Variants in MAPK4 observed in about 807,000 individuals in gnomAD.
The protein encoded by MAPK4 is Erk3-related.
A neutral mutation model predicts 47.7 loss-of-function variants in MAPK4; 22 were observed. The ratio of observed to expected loss-of-function variants is 0.46; its 90% CI spans 0.33 to 0.66. MAPK4 has a LOEUF of 0.66. Ranked by LOEUF, MAPK4 falls within the 30% of genes least tolerant of loss-of-function variation. The pLI is 0.02. For missense variants in MAPK4, 736 were observed against 831.7 expected, an observed-to-expected ratio of 0.88 and a Z score of 1.42; for synonymous variants, 390 against 365.7, an observed-to-expected ratio of 1.07 and a Z score of -0.76.
Position 50,710,779 on chromosome 18 carries a change from CTAAATAAATAAATAAATAAATAAA to C in MAPK4, c.547-4274_547-4251del, listed in dbSNP as rs56152549. 4.2e-3 allele frequency among the ~76,000 whole-genome samples: 610 copies of C among 144,982 alleles called. 3 individuals carry two copies. Among genetic ancestry groups the C allele is most frequent in the Non-Finnish European group, 7.1e-3 (472 of 66,222 alleles). On this transcript the variant is annotated intron_variant, in intron 2 of 5. Transcript: ENST00000400384. ...TGGGTGACAGAGTGAGACTCCGTCT[CTAAATAAATAAATAAATAAATAAA>C]TAAATAAATAAATAAATAAATAAAT...
chr18:50,665,069 G>A (rs1211892534), intron 2 of MAPK4, among the ~76,000 whole-genome samples: 3 of 152,190 alleles, frequency 2.0e-5, no homozygotes, highest in Admixed American at 6.6e-5. Flanking sequence ...GTTCTCCTGG[G>A]TCCCGTGATG....
chr18:50,698,750 C>G (rs1054435080), intron 2 of MAPK4, among the ~76,000 whole-genome samples: 8 of 152,164 alleles, frequency 5.3e-5, no homozygotes, highest in African/African-American at 1.9e-4. Context: ...AGTAATATAG[C>G]CAAGCACGGT....
intron 1 of MAPK4, among the ~76,000 whole-genome samples, chr18:50,651,178 C>T (rs1251770366): frequency 6.6e-6 from 1 of 152,214 alleles, no homozygotes; most frequent in African/African-American, 2.4e-5. Flanking sequence ...GGCTCTTGTT[C>T]TTTGTCTCAT....
chr18:50,706,235 G>A (rs1910045493), intron 2 of MAPK4: 1 of 152,124 alleles, frequency 6.6e-6, no homozygotes. Context: ...CTGAGGGGAG[G>A]TAGAAATAGA....
intron 2 of MAPK4, among the ~76,000 whole-genome samples, chr18:50,676,900 A>T (rs766611913): frequency 1.2e-4 from 18 of 152,194 alleles, no homozygotes; most frequent in Non-Finnish European, 2.4e-4. Context: ...ACATTTTTTT[A>T]AAATAGACTT....
chr18:50,595,373 A>C (rs1316113130), intron 1 of MAPK4, among the ~76,000 whole-genome samples: 1 of 152,248 alleles, frequency 6.6e-6, no homozygotes. Flanking sequence ...AATACAAAGG[A>C]TTAAAAACCC....
chr18:50,728,702 C>G (rs1911337782), intron 5 of MAPK4, among the ~76,000 whole-genome samples: 1 of 152,240 alleles, frequency 6.6e-6, no homozygotes, highest in Non-Finnish European at 1.5e-5. Context: ...ATCAGAGCAG[C>G]TGGGAGCTTG....
chr18:50,720,716 C>T (rs1910893639), intron 3 of MAPK4, among the ~76,000 whole-genome samples: 1 of 152,178 alleles, frequency 6.6e-6, no homozygotes, highest in Non-Finnish European at 1.5e-5. Context: ...TCATGGTCCC[C>T]TGGTGGGTGG....
At chr18:50,639,053 G>A (rs1175926527) in intron 1 of MAPK4, among the ~76,000 whole-genome samples, 1 of 152,174 alleles carries the variant, frequency 6.6e-6, no homozygotes, top group African/African-American at 2.4e-5. Context: ...CAGGCAGATG[G>A]GGGAGAGCAG....
intron 2 of MAPK4, among the ~76,000 whole-genome samples, chr18:50,696,857 T>G (rs960870330): frequency 6.6e-6 from 1 of 152,078 alleles, no homozygotes; most frequent in African/African-American, 2.4e-5. Context: ...CTTCCTGGTA[T>G]GGGGTCCCTT....
chr18:50,668,062 AACACCTATTT>A (rs1907704702), intron 2 of MAPK4, among the ~76,000 whole-genome samples: 1 of 152,240 alleles, frequency 6.6e-6, no homozygotes, highest in Non-Finnish European at 1.5e-5. Flanking sequence ...AACTCAGGGA[AACACCTATTT>A]ACATTTACTG....
At chr18:50,623,789 G>A (rs6508016) in intron 1 of MAPK4, among the ~76,000 whole-genome samples, 7,259 of 152,268 alleles carry the variant, frequency 0.048, 544 homozygotes, top group African/African-American at 0.16. Flanking sequence ...ACCTCTTACC[G>A]TTTTAACATA....
At chr18:50,637,894 G>T (rs905346186) in intron 1 of MAPK4, among the ~76,000 whole-genome samples, 1 of 152,174 alleles carries the variant, frequency 6.6e-6, no homozygotes, top group Non-Finnish European at 1.5e-5. Context: ...CTACCCCGAT[G>T]ACTTCATTTT....
chr18:50,628,054 A>G (rs777681350), intron 1 of MAPK4, among the ~76,000 whole-genome samples: 3 of 152,166 alleles, frequency 2.0e-5, no homozygotes, highest in Non-Finnish European at 4.4e-5. Flanking sequence ...GACTCCTGAC[A>G]CTGGCTCCGA....
At chr18:50,659,787 T>A (rs1162801944) in intron 1 of MAPK4, among the ~76,000 whole-genome samples, 1 of 152,216 alleles carries the variant, frequency 6.6e-6, no homozygotes, top group Admixed American at 6.5e-5. Flanking sequence ...CTGGGTGTCA[T>A]TCAAGCACGA....
chr18:50,626,235 G>A (rs2042776767), intron 1 of MAPK4, among the ~76,000 whole-genome samples: 1 of 152,164 alleles, frequency 6.6e-6, no homozygotes, highest in African/African-American at 2.4e-5. Flanking sequence ...CCAGAATAAT[G>A]TTTGACCAAA....
At chr18:50,693,884 C>T (rs572008899) in intron 2 of MAPK4, among the ~76,000 whole-genome samples, 4 of 152,284 alleles carry the variant, frequency 2.6e-5, no homozygotes, top group South Asian at 2.1e-4. Flanking sequence ...ACTTGAGGCT[C>T]AATGCATTTT....
chr18:50,572,283 A>C (rs927324924), intron 1 of MAPK4, among the ~76,000 whole-genome samples: 7 of 152,190 alleles, frequency 4.6e-5, no homozygotes, highest in Admixed American at 6.5e-5. Flanking sequence ...GAATGAGAAT[A>C]TATCTAGTAA....
chr18:50,620,209 C>T (rs920327785), intron 1 of MAPK4, among the ~76,000 whole-genome samples: 4 of 152,174 alleles, frequency 2.6e-5, no homozygotes, highest in African/African-American at 9.7e-5. Flanking sequence ...GCCATAATGA[C>T]CATCGAGCTG....
Sources: allele counts gnomAD v4.1 joint callset (sites outside exome capture counted in the v4.1 genomes callset), GRCh38; gene constraint gnomAD v4.1.1; transcripts MANE v1.5; gene names NCBI Gene and HGNC (gene_info 2026-07-23, HGNC 2026-07-21).